Variants in ATXN7L1 observed in about 807,000 individuals in gnomAD.
ATXN7L1 encodes the protein ataxin-7-like protein 1.
In ATXN7L1, 15 loss-of-function variants were observed where a neutral mutation model predicts 70.8. The ratio of observed to expected loss-of-function variants is 0.21; its 90% CI spans 0.14 to 0.33. The LOEUF (loss-of-function observed/expected upper bound fraction) is 0.33. Among genes scored for constraint, ATXN7L1 ranks in the 10% least tolerant of loss-of-function variants. The pLI, the probability that ATXN7L1 is intolerant of heterozygous loss-of-function variation, is 1.00. For synonymous variants in ATXN7L1, 440 were observed against 445.1 expected (o/e 0.99, Z 0.14); for missense variants, 975 against 1,097.1 (o/e 0.89, Z 1.57).
At chr7:105,763,660 T>C (rs1045811073) in intron 3 of ATXN7L1, among the ~76,000 whole-genome samples, 3 of 152,180 alleles carry the variant, frequency 2.0e-5, no homozygotes, top group African/African-American at 7.2e-5. Flanking sequence ...ATTAAGTGCA[T>C]TTGACACTAG....
chr7:105,680,949 C>T (rs1180476053), intron 3 of ATXN7L1, among the ~76,000 whole-genome samples: 1 of 152,210 alleles, frequency 6.6e-6, no homozygotes, highest in Non-Finnish European at 1.5e-5. Context: ...TGCAGCCCTG[C>T]TCTCCCTCCC....
intron 3 of ATXN7L1, among the ~76,000 whole-genome samples, chr7:105,713,998 C>G (rs1345186685): frequency 1.3e-5 from 2 of 152,222 alleles, no homozygotes; most frequent in Admixed American, 1.3e-4. Flanking sequence ...TCCAGGACAT[C>G]GTGGTTCCAT....
intron 3 of ATXN7L1, among the ~76,000 whole-genome samples, chr7:105,731,779 A>AAAAGAAAAGAAAAGAAAAGC (rs1261021542): frequency 6.7e-6 from 1 of 149,356 alleles, no homozygotes; most frequent in East Asian, 2.0e-4. Context: ...AAAAGAAAAG[A>AAAAGAAAAGAAAAGAAAAGC]AAAGAAAAGA....
intron 3 of ATXN7L1, among the ~76,000 whole-genome samples, chr7:105,712,978 T>C (rs1794109492): frequency 6.6e-6 from 1 of 151,856 alleles, no homozygotes; most frequent in African/African-American, 2.4e-5. Flanking sequence ...AGAAAAGAGG[T>C]TTAATTGACT....
At chr7:105,866,249 G>C (rs183602006) in intron 2 of ATXN7L1, among the ~76,000 whole-genome samples, 7 of 152,268 alleles carry the variant, frequency 4.6e-5, no homozygotes, top group African/African-American at 1.7e-4. Flanking sequence ...AAGTGCTTCT[G>C]TGTTCAAAGA....
intron 2 of ATXN7L1, among the ~76,000 whole-genome samples, chr7:105,813,185 T>A (rs1390725563): frequency 6.6e-6 from 1 of 152,214 alleles, no homozygotes; most frequent in African/African-American, 2.4e-5. Context: ...AAATGCTTTG[T>A]TAAAACCAGA....
intron 3 of ATXN7L1, among the ~76,000 whole-genome samples, chr7:105,717,271 G>A (rs1378875947): frequency 6.6e-6 from 1 of 152,116 alleles, no homozygotes; most frequent in Non-Finnish European, 1.5e-5. Flanking sequence ...GGGATTATAG[G>A]TGGACGCCAC....
At chr7:105,740,354 G>A (rs923028665) in intron 3 of ATXN7L1, among the ~76,000 whole-genome samples, 6 of 152,236 alleles carry the variant, frequency 3.9e-5, no homozygotes, top group African/African-American at 1.4e-4. Flanking sequence ...AAGACTCCAG[G>A]CTGAGGAGTT....
At chr7:105,621,661 G>C (rs577321726) in intron 8 of ATXN7L1, among the ~76,000 whole-genome samples, 2 of 152,336 alleles carry the variant, frequency 1.3e-5, no homozygotes, top group South Asian at 4.1e-4. Flanking sequence ...AGCAGCCTCA[G>C]AGAAGGTGAC....
chr7:105,692,370 T>TTTCTTTCCTTCCTTCCTTCC (rs1791007683), intron 3 of ATXN7L1, among the ~76,000 whole-genome samples: 2 of 94,510 alleles, frequency 2.1e-5, no homozygotes, highest in Non-Finnish European at 2.1e-5. Flanking sequence ...AATTTCTTTC[T>TTTCTTTCCTTCCTTCCTTCC]TTCCTTCCTT....
chr7:105,760,594 G>C, intron 3 of ATXN7L1: 1 of 980,072 alleles, frequency 1.0e-6, no homozygotes, highest in Non-Finnish European at 1.2e-6. Flanking sequence ...TGCAAAGACT[G>C]AGTCCCCATC....
chr7:105,614,860 G>C lies in ATXN7L1; in HGVS notation c.1518-44C>G. ...TGAAAGAGAATCAGTGAGACATCGG[G>C]TTGGCATTGCTCAGGAGGCTCGATG... On this transcript the variant is annotated intron_variant, in intron 9 of 11. Coordinates refer to ENST00000419735, the MANE Select transcript of ATXN7L1 (RefSeq NM_020725.2). This position sits in a 1 kb window ranked among gnomAD's most constrained non-coding sequence, Gnocchi z 4.3. The C allele has an allele frequency of 1.3e-6, 2 of 1,517,966 alleles. No individual in the cohort carries two copies. Among genetic ancestry groups the C allele is most frequent in the Non-Finnish European group, 1.8e-6 (2 of 1,128,330 alleles). 94.0% of individuals were successfully genotyped at this position (1,517,966 alleles called of 1,614,324 possible).
intron 2 of ATXN7L1, among the ~76,000 whole-genome samples, chr7:105,820,342 A>G (rs1299789229): frequency 6.6e-6 from 1 of 152,188 alleles, no homozygotes; most frequent in African/African-American, 2.4e-5. Flanking sequence ...GTGACTTTCT[A>G]GAGCGCAAGG....
chr7:105,613,770 T>C (rs1407786380), intron 10 of ATXN7L1, 92 bp downstream of exon 10: 3 of 1,543,128 alleles, frequency 1.9e-6, no homozygotes, highest in East Asian at 4.9e-5. Flanking sequence ...CAAGCTTGTG[T>C]TACCTGTCGG....
At chr7:105,733,777 CCCATCCATCCATCCTT>C (rs1453177308) in intron 3 of ATXN7L1, among the ~76,000 whole-genome samples, 1 of 20,952 alleles carries the variant, frequency 4.8e-5, no homozygotes, top group African/African-American at 2.2e-4. Context: ...CATCCGTCCA[CCCATCCATCCATCCTT>C]CCATCCATCC....
chr7:105,746,734 G>A (rs1045801022), intron 3 of ATXN7L1, among the ~76,000 whole-genome samples: 2 of 152,128 alleles, frequency 1.3e-5, no homozygotes, highest in African/African-American at 4.8e-5. Flanking sequence ...CCTTAGTACT[G>A]TATTTACTAG....
intron 2 of ATXN7L1, among the ~76,000 whole-genome samples, chr7:105,823,831 T>G (rs1193925212): frequency 5.9e-5 from 9 of 152,126 alleles, no homozygotes; most frequent in African/African-American, 2.2e-4. Flanking sequence ...GGTGTTTGGA[T>G]GCAAAGTGAG....
chr7:105,620,041 C>CTGGT, intron 9 of ATXN7L1, among the ~76,000 whole-genome samples, 159 bp downstream of exon 9: 1 of 152,188 alleles, frequency 6.6e-6, no homozygotes, highest in African/African-American at 2.4e-5. Context: ...TCAGGCAAAC[C>CTGGT]ATTAAGAAGA....
chr7:105,619,904 GC>G (rs143599116), intron 9 of ATXN7L1, among the ~76,000 whole-genome samples: 4,517 of 151,964 alleles, frequency 0.03, 236 homozygotes, highest in African/African-American at 0.1. Flanking sequence ...CAATAAAAAG[GC>G]CCTTTAACTT....
Sources: gnomAD v4.1 joint callset for allele counts (sites outside exome capture counted in the v4.1 genomes callset) on GRCh38, gnomAD v4.1.1 for gene constraint, Gnocchi (gnomAD v3.1) non-coding constraint, MANE v1.5 for transcripts, NCBI Gene and HGNC (gene_info 2026-07-23, HGNC 2026-07-21) for gene names.